Variants in PPIL4 observed in about 807,000 individuals in gnomAD.
The protein encoded by PPIL4 is peptidyl-prolyl cis-trans isomerase-like 4.
In PPIL4, 50 loss-of-function variants were observed where a neutral mutation model predicts 69.1. The ratio of observed to expected loss-of-function variants is 0.72; its 90% confidence interval spans 0.58 to 0.92. The LOEUF is 0.92. PPIL4 is among the 40% of genes least tolerant of loss of function. The pLI is 0.00. For synonymous variants in PPIL4, 193 were observed against 191.6 expected (o/e 1.01, Z -0.06); for missense variants, 480 against 587.9 (o/e 0.82, Z 1.90).
intron 10 of PPIL4, chr6:149,517,660 A>C: frequency 2.3e-6 from 1 of 435,816 alleles, no homozygotes; most frequent in Non-Finnish European, 4.1e-6. Context: ...GCTGCCACCT[A>C]ACGATATATG....
intron 1 of PPIL4, among the ~76,000 whole-genome samples, 185 bp downstream of exon 1, chr6:149,545,751 C>T (rs1325145655): frequency 6.6e-6 from 1 of 152,220 alleles, no homozygotes; most frequent in African/African-American, 2.4e-5. Flanking sequence ...TGCCAAGGCT[C>T]AAACGAATTC....
chr6:149,518,541 T>C (rs1450881714), intron 10 of PPIL4, among the ~76,000 whole-genome samples: 3 of 152,112 alleles, frequency 2.0e-5, no homozygotes, highest in African/African-American at 4.8e-5. Flanking sequence ...GGGGGACCCA[T>C]AGGGTAAGCA....
chr6:149,513,733 G>A (rs1434071564), intron 11 of PPIL4, among the ~76,000 whole-genome samples: 3 of 152,012 alleles, frequency 2.0e-5, no homozygotes, highest in Non-Finnish European at 4.4e-5. Context: ...ATGTGTCTAG[G>A]TGATGAAGCT....
chr6:149,538,202 G>C (rs966382214), intron 4 of PPIL4, among the ~76,000 whole-genome samples: 3 of 152,006 alleles, frequency 2.0e-5, no homozygotes, highest in African/African-American at 7.3e-5. Context: ...GGAGGCAGAG[G>C]TTGCAGTGAG....
intron 10 of PPIL4, among the ~76,000 whole-genome samples, chr6:149,520,261 G>C (rs1777008947): frequency 6.6e-6 from 1 of 151,996 alleles, no homozygotes; most frequent in African/African-American, 2.4e-5. Context: ...AAAAAATGTA[G>C]GGGAAAGTTA....
intron 7 of PPIL4, among the ~76,000 whole-genome samples, chr6:149,527,410 A>G (rs2115034631): frequency 6.6e-6 from 1 of 152,292 alleles, no homozygotes; most frequent in East Asian, 1.9e-4. Context: ...TAAACAAGTA[A>G]CTTGCCCAAG....
chr6:149,512,434 C>G, intron 11 of PPIL4, 132 bp from the exon 12 acceptor site: 2 of 563,526 alleles, frequency 3.5e-6, no homozygotes, highest in East Asian at 5.7e-5. Flanking sequence ...GAATATAGTA[C>G]ATTTCTAAAA....
intron 12 of PPIL4, among the ~76,000 whole-genome samples, 171 bp from the exon 13 acceptor site, chr6:149,505,875 T>C (rs1222322063): frequency 6.6e-6 from 1 of 152,174 alleles, no homozygotes; most frequent in Non-Finnish European, 1.5e-5. Context: ...AATAAAATAA[T>C]TCAGAAAAAG....
chr6:149,505,085 GACA>G lies in PPIL4; in HGVS notation c.*365_*367del, dbSNP rs1776748218. ...GGCCTTAGGGAACTTCTAAAATGTCGACAACATCTGTATCTTAAGCTGGCTGAT... is the reference window on the plus strand; with the variant it reads ...GGCCTTAGGGAACTTCTAAAATGTCGACATCTGTATCTTAAGCTGGCTGAT... On this transcript the variant is annotated 3_prime_UTR_variant, in exon 13 of 13. Coordinates refer to ENST00000253329, the MANE Select transcript of PPIL4 (RefSeq NM_139126.4). The G allele has an allele frequency of 6.4e-6, 1 of 156,468 alleles. No homozygotes were observed. The highest frequency in any genetic ancestry group is 6.4e-5 in the Admixed American group (1 of 15,554). The allele number at this position is 156,468 out of a possible 1,614,324, so 9.7% of individuals were successfully genotyped here. A position where few individuals can be genotyped will look rare whatever the true frequency, so the allele number is the denominator to read the frequency against.
At position 149,512,285 on chromosome 6, in the gene PPIL4, A is replaced by G. The variant is rs755428882; in HGVS notation, c.1097T>C (p.Ile366Thr). ...KPKQDTKYDL[I>T]LDEQAEDSKS... ...TGAGTCTTCGGCCTGCTCATCTAAT[A>G]TAAGATCGTATTTTGTACTGCAGTA... The change falls in exon 12 of 13, where the codon ATA becomes ACA. Residue 366 changes from isoleucine (I) to threonine (T), a missense_variant. Ile to Thr is a moderately conservative substitution (Grantham distance 89). Coordinates refer to ENST00000253329, the MANE Select transcript of PPIL4 (RefSeq NM_139126.4). The G allele has an allele frequency of 7.5e-6, 12 of 1,610,078 alleles. No homozygotes were observed. The highest frequency in any genetic ancestry group is 1.0e-5 in the Non-Finnish European group (12 of 1,176,856).
chr6:149,510,636 G>A (rs1157345654), intron 12 of PPIL4, among the ~76,000 whole-genome samples: 1 of 152,010 alleles, frequency 6.6e-6, no homozygotes, highest in Non-Finnish European at 1.5e-5. Context: ...CACCTACTCG[G>A]GAGGCTGAGG....
At chr6:149,522,516 T>G (rs1375715825) in intron 9 of PPIL4, among the ~76,000 whole-genome samples, 1 of 152,216 alleles carries the variant, frequency 6.6e-6, no homozygotes, top group Non-Finnish European at 1.5e-5. Context: ...GGATACCGAT[T>G]TATAACAAAA....
intron 12 of PPIL4, among the ~76,000 whole-genome samples, chr6:149,509,490 T>A (rs1002803947): frequency 1.3e-5 from 2 of 152,216 alleles, no homozygotes; most frequent in African/African-American, 4.8e-5. Flanking sequence ...GGGAAAGAAT[T>A]CAGAGTTTTT....
At chr6:149,525,788 A>G (rs1041314104) in intron 8 of PPIL4, among the ~76,000 whole-genome samples, 2 of 152,188 alleles carry the variant, frequency 1.3e-5, no homozygotes, top group South Asian at 2.1e-4. Context: ...CCCAAGTGTC[A>G]TAAGTCTCAT....
chr6:149,521,971 C>T (rs1021889348), intron 9 of PPIL4, among the ~76,000 whole-genome samples: 5 of 152,066 alleles, frequency 3.3e-5, no homozygotes, highest in African/African-American at 1.2e-4. Flanking sequence ...CTTATTCTTA[C>T]TAGAGATAAT....
chr6:149,535,535 G>T (rs139413894), intron 5 of PPIL4, 61 bp downstream of exon 5: 4 of 1,349,638 alleles, frequency 3.0e-6, no homozygotes, highest in African/African-American at 2.9e-5. Flanking sequence ...ATACCACTAC[G>T]TGTTAAACAT....
chr6:149,530,144 A>G (rs975055675), intron 7 of PPIL4, among the ~76,000 whole-genome samples: 2 of 152,186 alleles, frequency 1.3e-5, no homozygotes, highest in Admixed American at 1.3e-4. Flanking sequence ...TAAATCATGG[A>G]TTTTAATTAA....
rs541838394 is a variant in PPIL4 at position 149,507,755 on chromosome 6, G to C, written c.1228-2051C>G. Among the ~76,000 whole-genome samples the C allele has an allele frequency of 2.6e-5, 4 of 152,268 alleles. No individual in the cohort carries two copies. In the South Asian group the frequency reaches 6.2e-4, roughly 24 times the overall value. ...TGAAACTTTAAAATCACTCCTACTC[G>C]GGAGTAGTTTTCAAAGCTACACAAG... On this transcript the variant is annotated intron_variant, in intron 12 of 12. Transcript: ENST00000253329.
rs900969948 is a variant in PPIL4 at position 149,543,640 on chromosome 6, G to GT, written c.71-2055dup. Among the ~76,000 whole-genome samples, 26 of 151,000 alleles carry GT rather than the reference G, an allele frequency of 1.7e-4. No individual in the cohort carries two copies. In the South Asian group the frequency reaches 4.2e-3, roughly 24 times the overall value. On this transcript the variant is annotated intron_variant, in intron 1 of 12. Coordinates refer to ENST00000253329, the MANE Select transcript of PPIL4 (RefSeq NM_139126.4). ...AGTATTTTTCCCTTTTCCCTGTCAA[G>GT]TTTTTTTTCTTTTTTAACCTGTCAC... is the stretch of plus-strand genomic sequence containing the variant.
Sources: gnomAD v4.1 joint callset for allele counts (sites outside exome capture counted in the v4.1 genomes callset) on GRCh38, gnomAD v4.1.1 for gene constraint, MANE v1.5 for transcripts, NCBI Gene and HGNC (gene_info 2026-07-23, HGNC 2026-07-21) for gene names.